GLRX3: variants seen among roughly 807,000 people sequenced by gnomAD.
GLRX3 encodes glutaredoxin-3.
Under a neutral mutation model 49.5 loss-of-function variants are expected in GLRX3, and 22 were observed. That is an observed-to-expected ratio of 0.44 (90% CI 0.32 to 0.63). The LOEUF is 0.63. Ranked by LOEUF, GLRX3 falls within the 30% of genes least tolerant of loss-of-function variation. The pLI is 0.05. For synonymous variants in GLRX3, 133 were observed against 140.0 expected (o/e 0.95, Z 0.35); for missense variants, 385 against 396.3 (o/e 0.97, Z 0.24).
intron 1 of GLRX3, among the ~76,000 whole-genome samples, chr10:130,144,473 G>GA (rs1315855849): frequency 1.3e-5 from 2 of 150,238 alleles, no homozygotes; most frequent in Non-Finnish European, 3.0e-5. Context: ...CCCACCCCCT[G>GA]ACAGGCCCTG....
chr10:130,140,874 A>G (rs1441625497), intron 1 of GLRX3, among the ~76,000 whole-genome samples: 1 of 152,194 alleles, frequency 6.6e-6, no homozygotes, highest in East Asian at 1.9e-4. Context: ...TTGCTACGTA[A>G]AGTAGTGGGA....
chr10:130,174,027 G>A (rs148552932), intron 8 of GLRX3, among the ~76,000 whole-genome samples: 24 of 152,304 alleles, frequency 1.6e-4, no homozygotes, highest in African/African-American at 5.8e-4. Context: ...ATACATGCTT[G>A]CTAATACCTG....
intron 2 of GLRX3, among the ~76,000 whole-genome samples, chr10:130,151,479 A>G (rs554510792): frequency 6.6e-6 from 1 of 152,212 alleles, no homozygotes; most frequent in East Asian, 1.9e-4. Flanking sequence ...CCATCAACTC[A>G]TCATTTACAT....
chr10:130,163,154 G>A (rs2134906682), intron 4 of GLRX3, among the ~76,000 whole-genome samples: 1 of 152,318 alleles, frequency 6.6e-6, no homozygotes, highest in Non-Finnish European at 1.5e-5. Flanking sequence ...GCTGGGCGTG[G>A]TGGCTCATGC....
rs573751200 is a variant in GLRX3 at position 130,176,423 on chromosome 10, A to G, written c.957+1334A>G. Among the ~76,000 whole-genome samples, 28 of 152,312 alleles carry G rather than the reference A, an allele frequency of 1.8e-4. No homozygotes were observed. The South Asian group carries it at 5.6e-3, about 30-fold the overall frequency. On this transcript the variant is annotated intron_variant, in intron 10 of 10. Transcript: ENST00000331244. ...GCATGAGTCACCGCGCCTGGCCAAA[A>G]TAAAAGTTTTTAACACGTGCTTTTG... is the stretch of plus-strand genomic sequence containing the variant.
intron 2 of GLRX3, among the ~76,000 whole-genome samples, chr10:130,157,493 G>GCCCCC (rs1161867057): frequency 1.0e-3 from 6 of 5,980 alleles, no homozygotes; most frequent in South Asian, 6.8e-3. Context: ...GGTGGCCGCC[G>GCCCCC]CCCCCCCCCC....
At chr10:130,158,504 T>C (rs1277592392) in intron 2 of GLRX3, among the ~76,000 whole-genome samples, 3 of 152,224 alleles carry the variant, frequency 2.0e-5, no homozygotes, top group Non-Finnish European at 4.4e-5. Context: ...GGATTTGTAT[T>C]ACTTGTTGGT....
At chr10:130,144,268 T>C (rs904236160) in intron 1 of GLRX3, among the ~76,000 whole-genome samples, 6 of 151,154 alleles carry the variant, frequency 4.0e-5, no homozygotes, top group African/African-American at 1.5e-4. Context: ...GGTCTGAAAA[T>C]ATGGTTGATT....
chr10:130,171,154 T>G (rs1296395928), intron 7 of GLRX3, among the ~76,000 whole-genome samples: 2 of 150,440 alleles, frequency 1.3e-5, no homozygotes, highest in African/African-American at 4.9e-5. Flanking sequence ...ATAAATAAAA[T>G]AAAAAGAAAA....
chr10:130,174,783 T>G lies in GLRX3; in HGVS notation c.825-84T>G, dbSNP rs1412514745. ...GTTAGCAGTGAAACGGTTTTCTTGATTATTTTAAAAACATCAAATGCATAG... is the reference window on the plus strand; with the variant it reads ...GTTAGCAGTGAAACGGTTTTCTTGAGTATTTTAAAAACATCAAATGCATAG... On this transcript the variant is annotated intron_variant, in intron 8 of 10. Coordinates refer to ENST00000331244, the MANE Select transcript of GLRX3 (RefSeq NM_006541.5). The G allele has an allele frequency of 4.6e-6, 4 of 873,128 alleles. No individual in the cohort carries two copies. In the East Asian group the frequency reaches 7.2e-5, roughly 16 times the overall value. The allele number at this position is 873,128 out of a possible 1,614,324, so 54.1% of individuals were successfully genotyped here.
rs1862052030 is a variant in GLRX3, at chr10:130,136,442, G to T, written c.22G>T (p.Ala8Ser). The change falls in exon 1 of 11, where the codon GCA (alanine) becomes TCA (serine). Residue 8 changes from alanine (A) to serine (S), a missense_variant. Physicochemically the swap from Ala to Ser is moderately conservative, Grantham distance 99 (BLOSUM62 1). Transcript: ENST00000331244. MAAGAAEAAVAAVEEVGS... is the reference protein window; with the variant it reads MAAGAAESAVAAVEEVGS... Reference sequence around the variant, plus strand: ...CAGCATGGCGGCGGGGGCGGCTGAGGCAGCTGTAGCGGCCGTGGAGGAGGT... The same window carrying T: ...CAGCATGGCGGCGGGGGCGGCTGAGTCAGCTGTAGCGGCCGTGGAGGAGGT... 1 of 1,258,926 alleles carries T rather than the reference G, an allele frequency of 7.9e-7. No individual in the cohort carries two copies. Among genetic ancestry groups the T allele is most frequent in the South Asian group, 3.7e-5 (1 of 27,292 alleles). The allele number at this position is 1,258,926 out of a possible 1,614,324, so 78.0% of individuals were successfully genotyped here. A position where few individuals can be genotyped will look rare whatever the true frequency, so the allele number is the denominator to read the frequency against.
At chr10:130,136,621 T>C in intron 1 of GLRX3, 109 bp downstream of exon 1, 2 of 1,200,984 alleles carry the variant, frequency 1.7e-6, no homozygotes, top group Non-Finnish European at 2.1e-6. Flanking sequence ...GGTGCCCGGC[T>C]CCCTTCGGCC....
intron 10 of GLRX3, among the ~76,000 whole-genome samples, 187 bp downstream of exon 10, chr10:130,175,276 C>T (rs1055509770): frequency 6.6e-6 from 1 of 152,244 alleles, no homozygotes; most frequent in African/African-American, 2.4e-5. Flanking sequence ...ACTGTCCCCA[C>T]GTGGCAGCCT....
chr10:130,173,995 G>A (rs1303094620), intron 8 of GLRX3, among the ~76,000 whole-genome samples: 1 of 152,148 alleles, frequency 6.6e-6, no homozygotes, highest in Non-Finnish European at 1.5e-5. Context: ...TGTACCCTCA[G>A]GCACCCTGCA....
At chr10:130,153,647 G>C (rs1187404792) in intron 2 of GLRX3, among the ~76,000 whole-genome samples, 4 of 152,142 alleles carry the variant, frequency 2.6e-5, no homozygotes, top group Non-Finnish European at 5.9e-5. Flanking sequence ...AGCAAATATT[G>C]CTGCCTGATC....
At chr10:130,167,799 A>G (rs949342283) in intron 6 of GLRX3, among the ~76,000 whole-genome samples, 37 of 152,160 alleles carry the variant, frequency 2.4e-4, no homozygotes, top group Non-Finnish European at 4.1e-4. Context: ...ACAGCGTCCA[A>G]TCCACGTATG....
In GLRX3 at chr10:130,171,566, A is replaced by T; in HGVS notation, c.772-18A>T. The T allele has an allele frequency of 7.0e-7, 1 of 1,438,638 alleles. No individual in the cohort carries two copies. The highest frequency in any genetic ancestry group is 9.8e-7 in the Non-Finnish European group (1 of 1,019,830). 89.1% of individuals were successfully genotyped at this position (1,438,638 alleles called of 1,614,324 possible). Reference sequence around the variant, plus strand: ...GTCATACAAAAATTGTAATCTTTGCAAATTTTTTTTCATTTAGGAAGCAAA... The same window carrying T: ...GTCATACAAAAATTGTAATCTTTGCTAATTTTTTTTCATTTAGGAAGCAAA... On this transcript the variant is annotated intron_variant, in intron 7 of 10. Transcript: ENST00000331244.
chr10:130,167,601 A>G (rs1862717999), intron 6 of GLRX3, among the ~76,000 whole-genome samples: 1 of 152,194 alleles, frequency 6.6e-6, no homozygotes, highest in Non-Finnish European at 1.5e-5. Flanking sequence ...TTGCAGTAAA[A>G]TTAATATAGA....
intron 8 of GLRX3, among the ~76,000 whole-genome samples, chr10:130,174,099 AT>A (rs1862867809): frequency 6.6e-6 from 1 of 152,198 alleles, no homozygotes; most frequent in East Asian, 1.9e-4. Context: ...GTGATTTTTC[AT>A]TTTTTGTACA....
Sources: allele counts gnomAD v4.1 joint callset (sites outside exome capture counted in the v4.1 genomes callset), GRCh38; gene constraint gnomAD v4.1.1; transcripts MANE v1.5; gene names NCBI Gene and HGNC (gene_info 2026-07-23, HGNC 2026-07-21).